The following CETP variants were observed in gnomAD, a reference collection of about 807,000 sequenced individuals.
CETP encodes cholesteryl ester transfer protein.
In CETP, 56 loss-of-function variants were observed where a neutral mutation model predicts 66.5. That is an observed-to-expected ratio of 0.84 (90% CI 0.68 to 1.05). The LOEUF is 1.05. Ranked by LOEUF, CETP falls within the 50% of genes least tolerant of loss-of-function variation. CETP has a pLI of 0.00. For synonymous variants in CETP, 251 were observed against 245.7 expected (o/e 1.02, Z -0.20); for missense variants, 612 against 609.6 (o/e 1.00, Z -0.04).
chr16:56,962,017 G>T lies in CETP; in HGVS notation c.38G>T (p.Gly13Val). Residue 13 changes from glycine to valine, a missense_variant, in exon 1 of 16, where the codon GGC (glycine) becomes GTC (valine). By Grantham distance (109) the Gly-to-Val change is moderately radical. Coordinates refer to ENST00000200676, the MANE Select transcript of CETP (RefSeq NM_000078.3). ...AATVLTLALL[G>V]NAHACSKGTS... The stretch of plus-strand genomic sequence containing the variant: ...ACAGTCCTGACCCTGGCCCTGCTGG[G>T]CAATGCCCATGCCTGCTCCAAAGGC... 6.2e-7 allele frequency: 1 copy of T among 1,614,102 alleles called. No individual in the cohort carries two copies. The highest frequency in any genetic ancestry group is 8.5e-7 in the Non-Finnish European group (1 of 1,180,036).
chr16:56,975,057 G>A, intron 9 of CETP, 44 bp from the exon 10 acceptor site: 1 of 1,596,458 alleles, frequency 6.3e-7, no homozygotes, highest in Non-Finnish European at 8.6e-7. Flanking sequence ...TCTGAGGAGT[G>A]GACTTTACTC....
At chr16:56,981,765 A>G (rs1434883137) in intron 13 of CETP, 85 bp downstream of exon 13, 20 of 1,379,232 alleles carry the variant, frequency 1.5e-5, no homozygotes, top group Non-Finnish European at 2.0e-5. Flanking sequence ...CCTAAAGGAA[A>G]TCAGGCAACC....
At chr16:56,973,247 T>G in intron 8 of CETP, 84 bp from the exon 9 acceptor site, 1 of 1,429,014 alleles carries the variant, frequency 7.0e-7, no homozygotes, top group Non-Finnish European at 9.8e-7. Flanking sequence ...GGCTGAATGC[T>G]GGGGCTCCTC....
At chr16:56,979,175 G>A (rs980971509) in intron 11 of CETP, among the ~76,000 whole-genome samples, 1 of 152,102 alleles carries the variant, frequency 6.6e-6, no homozygotes, top group African/African-American at 2.4e-5. Flanking sequence ...TTTATTACCC[G>A]AGTCCACAAC....
At chr16:56,962,686 C>A (rs2056032620) in intron 1 of CETP, among the ~76,000 whole-genome samples, 1 of 152,152 alleles carries the variant, frequency 6.6e-6, no homozygotes, top group Non-Finnish European at 1.5e-5. Context: ...AGTGTCACAG[C>A]ATCGTCTGGG....
intron 1 of CETP, 68 bp from the exon 2 acceptor site, chr16:56,962,942 C>T: frequency 7.2e-7 from 1 of 1,397,478 alleles, no homozygotes; most frequent in African/African-American, 1.4e-5. Context: ...TGGCCAAGGC[C>T]AGTTGGGGGT....
At chr16:56,970,141 C>A in intron 5 of CETP, 140 bp downstream of exon 5, 1 of 738,560 alleles carries the variant, frequency 1.4e-6, no homozygotes, top group South Asian at 1.5e-5. Context: ...TCAGTGGGGT[C>A]ACTTCCTACC....
At chr16:56,969,258 G>A (rs1368759781) in intron 2 of CETP, 128 bp from the exon 3 acceptor site, 2 of 1,207,422 alleles carry the variant, frequency 1.7e-6, no homozygotes, top group African/African-American at 1.5e-5. Flanking sequence ...TGCAGGTTCT[G>A]TGGATTAGGA....
At chr16:56,981,115 G>T in intron 11 of CETP, 43 bp from the exon 12 acceptor site, 1 of 1,462,832 alleles carries the variant, frequency 6.8e-7, no homozygotes, top group South Asian at 1.1e-5. Flanking sequence ...TCTCTGCTTC[G>T]GGAAGAGCCC....
chr16:56,969,997 C>G lies in CETP; in HGVS notation c.523C>G (p.Arg175Gly), dbSNP rs991861534. 1.2e-6 allele frequency: 2 copies of G among 1,613,390 alleles called. No individual in the cohort carries two copies. The highest frequency in any genetic ancestry group is 2.2e-5 in the South Asian group (2 of 90,982). Residue 175 changes from arginine to glycine, a missense_variant, in exon 5 of 16, where the codon CGA (arginine) becomes GGA (glycine). Arg to Gly is a moderately radical substitution (Grantham distance 125). Coordinates refer to ENST00000200676, the MANE Select transcript of CETP (RefSeq NM_000078.3). Reference protein sequence around the residue: ...HKLLLHLQGEREPGWIKQLFT... With the variant: ...HKLLLHLQGEGEPGWIKQLFT... ...GCTGCTCCTGCATCTCCAAGGGGAG[C>G]GAGAGTAAGTACACCACCCTGTGGC...
intron 2 of CETP, among the ~76,000 whole-genome samples, chr16:56,965,912 A>G (rs556348736): frequency 2.0e-5 from 3 of 152,014 alleles, no homozygotes; most frequent in Non-Finnish European, 4.4e-5. Flanking sequence ...CCAAGACCCC[A>G]GGGCCAACGC....
Position 56,974,496 on chromosome 16 carries a change from CAGAT to C in CETP, c.931-596_931-593del, listed in dbSNP as rs147606537. 3.3e-3 allele frequency among the ~76,000 whole-genome samples: 503 copies of C among 152,138 alleles called. 3 individuals are homozygous for C. Among genetic ancestry groups the C allele is most frequent in the African/African-American group, 0.011 (475 of 41,486 alleles). On this transcript the variant is annotated intron_variant, in intron 9 of 15. Coordinates refer to ENST00000200676, the MANE Select transcript of CETP (RefSeq NM_000078.3). ...TTTATTGGAGTCAACTATGTGTTGC[CAGAT>C]AGATAGATGGATAGATAGACAGAGT...
chr16:56,982,235 C>T lies in CETP; in HGVS notation c.1319C>T (p.Ser440Phe). Residue 440 changes from serine to phenylalanine, a missense_variant and splice_region_variant, in exon 14 of 16, where the codon TCT becomes TTT. Physicochemically the swap from Ser to Phe is radical, Grantham distance 155. Coordinates refer to ENST00000200676, the MANE Select transcript of CETP (RefSeq NM_000078.3). ...ITAVGIPEVM[S>F]RLEVVFTALM... The stretch of plus-strand genomic sequence containing the variant: ...GCTGTGGGCATCCCTGAGGTCATGT[C>T]TCGTAAGTGTGGGCTGGAGGGGAAA... The T allele has an allele frequency of 6.2e-7, 1 of 1,614,038 alleles. No homozygotes were observed. The highest frequency in any genetic ancestry group is 1.7e-4 in the Middle Eastern group (1 of 6,060).
At chr16:56,977,853 C>T (rs562279873) in intron 10 of CETP, among the ~76,000 whole-genome samples, 2 of 152,288 alleles carry the variant, frequency 1.3e-5, no homozygotes, top group Admixed American at 6.5e-5. Context: ...CTCAGCACAT[C>T]CTGAGAGAGG....
intron 8 of CETP, among the ~76,000 whole-genome samples, chr16:56,972,661 A>T (rs2056120704): frequency 6.6e-6 from 1 of 152,218 alleles, no homozygotes; most frequent in Non-Finnish European, 1.5e-5. Context: ...CTCTGCTCAC[A>T]GCCCGTTGGC....
chr16:56,972,147 C>A, intron 8 of CETP, 64 bp downstream of exon 8: 2 of 1,258,244 alleles, frequency 1.6e-6, no homozygotes, highest in South Asian at 2.4e-5. Context: ...CTTTTTTGTG[C>A]TCTGACAACC....
At chr16:56,976,571 A>G (rs972403249) in intron 10 of CETP, among the ~76,000 whole-genome samples, 4 of 151,670 alleles carry the variant, frequency 2.6e-5, no homozygotes, top group Admixed American at 6.6e-5. Context: ...TTCCGGGTTC[A>G]AGCAATTCTC....
At chr16:56,982,138 G>T (rs763838199) in intron 13 of CETP, 27 bp from the exon 14 acceptor site, 2 of 1,605,066 alleles carry the variant, frequency 1.2e-6, no homozygotes, top group South Asian at 2.2e-5. Context: ...CTCCAGGGAG[G>T]ACTCACCATG....
rs372251011 is a variant in CETP at position 56,969,906 on chromosome 16, C to G, written c.440-8C>G. ...GCTGCCCTGAGGTCATGTCGGGTCT[C>G]CCTGCAGCCTGTGACTCTGGTAGAG... is the stretch of plus-strand genomic sequence containing the variant. On this transcript the variant is annotated splice_polypyrimidine_tract_variant and splice_region_variant and intron_variant, in intron 4 of 15. Coordinates refer to ENST00000200676, the MANE Select transcript of CETP (RefSeq NM_000078.3). 308 of 1,613,750 alleles carry G rather than the reference C, an allele frequency of 1.9e-4. 4 individuals carry two copies. In the South Asian group the frequency reaches 3.2e-3, roughly 17 times the overall value.
Sources: allele counts gnomAD v4.1 joint callset (sites outside exome capture counted in the v4.1 genomes callset), GRCh38; gene constraint gnomAD v4.1.1; transcripts MANE v1.5; gene names NCBI Gene and HGNC (gene_info 2026-07-23, HGNC 2026-07-21).